ADGRD1: variants seen among roughly 807,000 people sequenced by gnomAD.
The protein encoded by ADGRD1 is G-protein coupled receptor 133.
In ADGRD1, 77 loss-of-function variants were observed where a neutral mutation model predicts 113.4. The observed-to-expected ratio is 0.68, with a 90% confidence interval of 0.57 to 0.82. The LOEUF (loss-of-function observed/expected upper bound fraction) is 0.82. Ranked by LOEUF, ADGRD1 falls within the 40% of genes least tolerant of loss-of-function variation. The probability of loss-of-function intolerance (pLI) is 0.00; values close to 1 mark genes in which losing one functional copy is unlikely to be tolerated. For synonymous variants in ADGRD1, 474 were observed against 475.0 expected, an observed-to-expected ratio of 1.00 and a Z score of 0.03; for missense variants, 1,036 against 1,139.1, an observed-to-expected ratio of 0.91 and a Z score of 1.30.
At chr12:131,134,244 G>C (rs559190864) in intron 21 of ADGRD1, among the ~76,000 whole-genome samples, 16 of 152,176 alleles carry the variant, frequency 1.1e-4, no homozygotes, top group Non-Finnish European at 1.6e-4. Flanking sequence ...GGCCAACCTT[G>C]GGGGAGCAGA....
At chr12:131,108,177 G>T (rs1351655270) in intron 17 of ADGRD1, among the ~76,000 whole-genome samples, 1 of 152,136 alleles carries the variant, frequency 6.6e-6, no homozygotes, top group South Asian at 2.1e-4. Flanking sequence ...CAGCATGGTC[G>T]CCTGAGCCCC....
intron 21 of ADGRD1, among the ~76,000 whole-genome samples, chr12:131,132,667 G>A (rs115057731): frequency 0.012 from 1,805 of 152,304 alleles, 46 homozygotes; most frequent in African/African-American, 0.041. Context: ...GGAGGCCTGC[G>A]CCTGGAGGAC....
At chr12:131,069,012 C>T (rs1175655439) in intron 13 of ADGRD1, among the ~76,000 whole-genome samples, 1 of 152,226 alleles carries the variant, frequency 6.6e-6, no homozygotes, top group African/African-American at 2.4e-5. Context: ...TCTTTCTTTA[C>T]TCCTGAAAGA....
intron 2 of ADGRD1, among the ~76,000 whole-genome samples, chr12:130,958,227 T>G (rs1869903443): frequency 7.7e-6 from 1 of 129,318 alleles, no homozygotes; most frequent in Non-Finnish European, 1.6e-5. Flanking sequence ...TGAGACAGAC[T>G]CTTTCTCTGT....
In ADGRD1 at chr12:131,105,758, G is replaced by C; in HGVS notation, c.1780G>C (p.Val594Leu). 1 of 1,600,614 alleles carries C rather than the reference G, an allele frequency of 6.2e-7. No homozygotes were observed. The highest frequency in any genetic ancestry group is 8.5e-7 in the Non-Finnish European group (1 of 1,179,544). Residue 594 changes from valine to leucine, a missense_variant, in exon 17 of 25, where the codon GTG becomes CTG. Coordinates refer to ENST00000261654, the MANE Select transcript of ADGRD1 (RefSeq NM_198827.5). Reference protein sequence around the residue: ...TLVTFAVLSSVSTIRNQRYHI... With the variant: ...TLVTFAVLSSLSTIRNQRYHI... ...ACACCCTGCCTCTGTCCTCAGCTCCGTGAGCACCATCCGGAACCAGCGCTA... is the reference window on the plus strand; with the variant it reads ...ACACCCTGCCTCTGTCCTCAGCTCCCTGAGCACCATCCGGAACCAGCGCTA...
At chr12:130,995,735 CT>C (rs78301647) in intron 8 of ADGRD1, among the ~76,000 whole-genome samples, 66,153 of 147,528 alleles carry the variant, frequency 0.45, 16,992 homozygotes, top group East Asian at 0.79. Context: ...GAACTGAAAT[CT>C]TTTTTTTTTT....
intron 2 of ADGRD1, among the ~76,000 whole-genome samples, chr12:130,964,340 G>A (rs947845759): frequency 6.6e-6 from 1 of 152,002 alleles, no homozygotes; most frequent in Admixed American, 6.6e-5. Flanking sequence ...TTTCCATGTG[G>A]TGAACTGGTT....
In ADGRD1 at chr12:131,120,840, T is replaced by C; in HGVS notation, c.2109-7T>C. The C allele has an allele frequency of 1.2e-6, 2 of 1,614,188 alleles. No individual in the cohort carries two copies. The highest frequency in any genetic ancestry group is 2.2e-5 in the South Asian group (2 of 91,088). On this transcript the variant is annotated splice_polypyrimidine_tract_variant and splice_region_variant and intron_variant, in intron 19 of 24. Transcript: ENST00000261654. ...TGTTGAAGTAACGGCTCTGCTTCCCTCCGCAGTTGCTGGCTGTCGTTGGCG... is the reference window on the plus strand; with the variant it reads ...TGTTGAAGTAACGGCTCTGCTTCCCCCCGCAGTTGCTGGCTGTCGTTGGCG...
At chr12:131,004,405 C>T (rs1159696464) in intron 11 of ADGRD1, 109 bp downstream of exon 11, 2 of 832,654 alleles carry the variant, frequency 2.4e-6, no homozygotes, top group South Asian at 3.1e-5. Flanking sequence ...GCGGTGCTCC[C>T]CCGGGCCGCC....
chr12:131,058,728 G>A (rs1459450166), intron 13 of ADGRD1, among the ~76,000 whole-genome samples: 5 of 152,100 alleles, frequency 3.3e-5, no homozygotes, highest in East Asian at 1.9e-4. Flanking sequence ...GGAAATCCAC[G>A]CTATTCTAAT....
chr12:131,047,412 T>C lies in ADGRD1; in HGVS notation c.1474-29389T>C, dbSNP rs147173149. ...TCTGAAGGGCAGATGGGTGGGAGCA[T>C]TCCAGGAGCAGGCAGCCCCGGGCCC... On this transcript the variant is annotated intron_variant, in intron 13 of 24. Transcript: ENST00000261654. 6.3e-3 allele frequency among the ~76,000 whole-genome samples: 962 copies of C among 152,262 alleles called. 8 individuals carry two copies. The highest frequency in any genetic ancestry group is 0.022 in the African/African-American group (927 of 41,562).
chr12:131,083,449 A>G (rs1407137643), intron 14 of ADGRD1, among the ~76,000 whole-genome samples: 1 of 152,188 alleles, frequency 6.6e-6, no homozygotes, highest in Non-Finnish European at 1.5e-5. Flanking sequence ...AAAAATAAAA[A>G]GAAAAGTATT....
chr12:131,050,413 T>C lies in ADGRD1; in HGVS notation c.1474-26388T>C, dbSNP rs1045096556. ...TTGCCCTGTGTGTTAGTCTGTTCAT[T>C]GCTATAAGAAATACCTGAGGCTGGG... is the stretch of plus-strand genomic sequence containing the variant. On this transcript the variant is annotated intron_variant, in intron 13 of 24. Coordinates refer to ENST00000261654, the MANE Select transcript of ADGRD1 (RefSeq NM_198827.5). This position sits in a 1 kb window ranked among gnomAD's most constrained non-coding sequence, Gnocchi z 4.8. 5.3e-5 allele frequency among the ~76,000 whole-genome samples: 8 copies of C among 152,136 alleles called. No homozygotes were observed. The highest frequency in any genetic ancestry group is 1.9e-4 in the African/African-American group (8 of 41,430).
intron 22 of ADGRD1, 28 bp downstream of exon 22, chr12:131,136,191 G>T (rs1363286399): frequency 6.2e-7 from 1 of 1,611,578 alleles, no homozygotes; most frequent in Non-Finnish European, 8.5e-7. Flanking sequence ...TGGCGGGGAG[G>T]CAGGGCCGCC....
rs183342538 is a variant in ADGRD1, at chr12:131,113,814, G to A, written c.2042-4571G>A. Among the ~76,000 whole-genome samples, 22 of 152,304 alleles carry A rather than the reference G, an allele frequency of 1.4e-4. No individual in the cohort carries two copies. In the East Asian group the frequency reaches 2.5e-3, roughly 17 times the overall value. ...GTCCTCTGCCCTCCCTCCAGGTCAC[G>A]CATGACCTGCTTCTTCAGGCCTCTG... On this transcript the variant is annotated intron_variant, in intron 18 of 24. Transcript: ENST00000261654. This position sits in a 1 kb window ranked among gnomAD's most constrained non-coding sequence, Gnocchi z 4.9.
chr12:131,069,158 C>T (rs747750287), intron 13 of ADGRD1: 6 of 152,274 alleles, frequency 3.9e-5, no homozygotes, highest in Admixed American at 1.3e-4. Flanking sequence ...TCCTCCATCT[C>T]TGACGTCACA....
At chr12:131,011,304 C>G (rs1008622291) in intron 12 of ADGRD1, among the ~76,000 whole-genome samples, 3 of 151,682 alleles carry the variant, frequency 2.0e-5, no homozygotes, top group Non-Finnish European at 4.4e-5. Context: ...GATTACCAAA[C>G]TGGGCCTGGT....
intron 15 of ADGRD1, among the ~76,000 whole-genome samples, chr12:131,089,051 G>A (rs986081875): frequency 2.0e-4 from 31 of 152,184 alleles, no homozygotes; most frequent in Admixed American, 5.9e-4. Context: ...CAGGCGCCCA[G>A]TCTGCAAACA....
At chr12:131,033,463 G>A (rs563013062) in intron 13 of ADGRD1, among the ~76,000 whole-genome samples, 1 of 152,240 alleles carries the variant, frequency 6.6e-6, no homozygotes, top group African/African-American at 2.4e-5. Flanking sequence ...TCAGAGCGTG[G>A]CATGCAGGGT....
Sources: gnomAD v4.1 joint callset for allele counts (sites outside exome capture counted in the v4.1 genomes callset) on GRCh38, gnomAD v4.1.1 for gene constraint, Gnocchi (gnomAD v3.1) non-coding constraint, MANE v1.5 for transcripts, NCBI Gene and HGNC (gene_info 2026-07-23, HGNC 2026-07-21) for gene names.